Variants in THSD7B observed in about 807,000 individuals in gnomAD.
THSD7B encodes the protein thrombospondin type-1 domain-containing protein 7B.
THSD7B carries 138 observed loss-of-function variants against 213.6 expected under a neutral mutation model. The observed-to-expected ratio is 0.65, with a 90% CI of 0.56 to 0.74. The LOEUF is 0.74. Ranked by LOEUF, THSD7B falls within the 30% of genes least tolerant of loss-of-function variation. The pLI, the probability that THSD7B is intolerant of heterozygous loss-of-function variation, is 0.00. For missense variants in THSD7B, 1,931 were observed against 1,991.5 expected (o/e 0.97, Z 0.58); for synonymous variants, 742 against 687.0 (o/e 1.08, Z -1.25).
At chr2:137,086,544 T>C (rs1029341402) in intron 3 of THSD7B, among the ~76,000 whole-genome samples, 1 of 152,176 alleles carries the variant, frequency 6.6e-6, no homozygotes, top group African/African-American at 2.4e-5. Context: ...CCAGAATCAT[T>C]TCCCCTTCAC....
chr2:136,975,050 T>C (rs1476359645), intron 2 of THSD7B, among the ~76,000 whole-genome samples: 1 of 151,846 alleles, frequency 6.6e-6, no homozygotes, highest in East Asian at 1.9e-4. Context: ...GTTTGTTTTT[T>C]TTTTTTTTGT....
rs1553447830 is a variant in THSD7B, at chr2:137,412,623, A to AAAC, written c.2959+753_2959+754insCAA. On this transcript the variant is annotated intron_variant, in intron 14 of 27. Transcript: ENST00000409968. Reference sequence around the variant, plus strand: ...AAAAAAAAAAAAACAAAAAAAAACAAAAAACAGTTTTACTATATAAAGTAT... The same window carrying AAAC: ...AAAAAAAAAAAAACAAAAAAAAACAAAACAAAACAGTTTTACTATATAAAGTAT... Among the ~76,000 whole-genome samples the AAAC allele has an allele frequency of 1.4e-3, 179 of 126,318 alleles. 8 individuals carry two copies. Among genetic ancestry groups the AAAC allele is most frequent in the African/African-American group, 2.9e-3 (108 of 37,196 alleles). The allele number at this position is 126,318 out of a possible 152,430, so 82.9% of individuals were successfully genotyped here.
At chr2:137,005,489 T>C (rs1324614158) in intron 2 of THSD7B, among the ~76,000 whole-genome samples, 1 of 152,200 alleles carries the variant, frequency 6.6e-6, no homozygotes, top group African/African-American at 2.4e-5. Flanking sequence ...AGATCTTTAA[T>C]GTGCATAGCT....
intron 12 of THSD7B, among the ~76,000 whole-genome samples, chr2:137,338,935 T>C (rs1170437436): frequency 6.6e-6 from 1 of 152,052 alleles, no homozygotes; most frequent in Non-Finnish European, 1.5e-5. Context: ...CTGACAATTG[T>C]CTTTTGCATG....
At chr2:137,527,414 G>T (rs1238262890) in intron 15 of THSD7B, among the ~76,000 whole-genome samples, 1 of 152,058 alleles carries the variant, frequency 6.6e-6, no homozygotes, top group Non-Finnish European at 1.5e-5. Context: ...ATCTGGAAAA[G>T]TATCACCTAA....
At chr2:137,618,188 T>C (rs961106023) in intron 18 of THSD7B, among the ~76,000 whole-genome samples, 29 of 152,184 alleles carry the variant, frequency 1.9e-4, no homozygotes, top group Non-Finnish European at 3.2e-4. Context: ...CAAATTTAAG[T>C]AGGTAACTCA....
intron 1 of THSD7B, among the ~76,000 whole-genome samples, chr2:136,808,217 G>A (rs982573345): frequency 3.9e-5 from 6 of 152,216 alleles, no homozygotes; most frequent in African/African-American, 1.4e-4. Context: ...ATGTGGTATA[G>A]TGCTTATGTG....
chr2:137,593,380 A>T (rs1472967089), intron 17 of THSD7B, among the ~76,000 whole-genome samples: 1 of 152,000 alleles, frequency 6.6e-6, no homozygotes, highest in East Asian at 1.9e-4. Flanking sequence ...TACACTATTT[A>T]CAACAACGTA....
intron 4 of THSD7B, among the ~76,000 whole-genome samples, chr2:137,099,490 A>G (rs1456486250): frequency 6.6e-6 from 1 of 152,176 alleles, no homozygotes; most frequent in East Asian, 1.9e-4. Flanking sequence ...ATGATTCCAG[A>G]TCTCTTGCGC....
intron 2 of THSD7B, among the ~76,000 whole-genome samples, chr2:136,905,755 C>A (rs1216240760): frequency 6.6e-6 from 1 of 152,170 alleles, no homozygotes; most frequent in Non-Finnish European, 1.5e-5. Context: ...GGCATTGAGA[C>A]AAATGATCAT....
intron 2 of THSD7B, among the ~76,000 whole-genome samples, chr2:136,921,007 G>A (rs975559466): frequency 1.3e-5 from 2 of 152,102 alleles, no homozygotes; most frequent in Non-Finnish European, 2.9e-5. Context: ...TGAGAGCCCA[G>A]GGATGCCAGG....
intron 25 of THSD7B, 47 bp from the exon 26 acceptor site, chr2:137,663,336 C>T (rs1439921439): frequency 1.4e-6 from 2 of 1,396,836 alleles, no homozygotes; most frequent in Non-Finnish European, 9.5e-7. Flanking sequence ...TATTCATTCA[C>T]CTGTTCAACT....
chr2:137,145,815 C>T (rs1293857414), intron 5 of THSD7B, among the ~76,000 whole-genome samples: 1 of 152,036 alleles, frequency 6.6e-6, no homozygotes, highest in African/African-American at 2.4e-5. Context: ...TGTAATAACG[C>T]TTTCAGAATC....
At chr2:136,993,974 T>C (rs940150686) in intron 2 of THSD7B, among the ~76,000 whole-genome samples, 1 of 152,220 alleles carries the variant, frequency 6.6e-6, no homozygotes, top group Non-Finnish European at 1.5e-5. Flanking sequence ...AACAATGAGC[T>C]AAGTGTATTT....
intron 12 of THSD7B, among the ~76,000 whole-genome samples, chr2:137,363,747 T>C (rs2104939368): frequency 6.6e-6 from 1 of 152,230 alleles, no homozygotes; most frequent in Non-Finnish European, 1.5e-5. Flanking sequence ...CAATAACCAA[T>C]AGCATACCAA....
chr2:137,563,144 G>A, intron 15 of THSD7B, 77 bp from the exon 16 acceptor site: 1 of 1,486,444 alleles, frequency 6.7e-7, no homozygotes. Context: ...TGTTCAGCAA[G>A]CATTACTAAA....
intron 26 of THSD7B, among the ~76,000 whole-genome samples, chr2:137,665,746 CA>C (rs1403424625): frequency 6.6e-6 from 1 of 151,950 alleles, no homozygotes. Flanking sequence ...TATAAATGCC[CA>C]CAAATAGAAT....
chr2:136,902,439 C>G (rs2105013584), intron 2 of THSD7B, among the ~76,000 whole-genome samples: 1 of 152,328 alleles, frequency 6.6e-6, no homozygotes, highest in African/African-American at 2.4e-5. Flanking sequence ...AACCTGGCCT[C>G]TTCATTAACA....
At chr2:136,788,633 C>A (rs1681910820) in intron 1 of THSD7B, among the ~76,000 whole-genome samples, 1 of 152,050 alleles carries the variant, frequency 6.6e-6, no homozygotes, top group African/African-American at 2.4e-5. Context: ...CTCTTCACTT[C>A]AAATTAATTT....
Sources: gnomAD v4.1 joint callset for allele counts (sites outside exome capture counted in the v4.1 genomes callset) on GRCh38, gnomAD v4.1.1 for gene constraint, MANE v1.5 for transcripts, NCBI Gene and HGNC (gene_info 2026-07-23, HGNC 2026-07-21) for gene names.